The following RAB11FIP4 variants were observed in gnomAD, a reference collection of about 807,000 sequenced individuals.
The protein encoded by RAB11FIP4 is RAB11 family interacting protein 4.
A neutral mutation model predicts 74.3 loss-of-function variants in RAB11FIP4; 23 were observed. The observed-to-expected ratio is 0.31, with a 90% CI of 0.22 to 0.44. RAB11FIP4 has a LOEUF of 0.44. RAB11FIP4 is among the 20% of genes least tolerant of loss of function. RAB11FIP4 has a pLI of 1.00. For missense variants in RAB11FIP4, 630 were observed against 863.9 expected (o/e 0.73, Z 3.39); for synonymous variants, 360 against 359.9 (o/e 1.00, Z 0.00).
At chr17:31,423,929 G>A (rs1040764169) in intron 1 of RAB11FIP4, among the ~76,000 whole-genome samples, 1 of 151,874 alleles carries the variant, frequency 6.6e-6, no homozygotes, top group African/African-American at 2.4e-5. Flanking sequence ...TGACTGCTAC[G>A]GCTGCTGCCA....
intron 1 of RAB11FIP4, among the ~76,000 whole-genome samples, chr17:31,410,370 G>A (rs2071081914): frequency 6.6e-6 from 1 of 152,104 alleles, no homozygotes. Flanking sequence ...CTGCACCTGC[G>A]GCTGCAGATA....
intron 1 of RAB11FIP4, among the ~76,000 whole-genome samples, chr17:31,429,235 G>T (rs1312549829): frequency 2.0e-5 from 3 of 152,272 alleles, no homozygotes; most frequent in East Asian, 1.9e-4. Flanking sequence ...GTAGAGAGAA[G>T]ATATAAATTA....
At chr17:31,435,567 C>T (rs1019808805) in intron 3 of RAB11FIP4, among the ~76,000 whole-genome samples, 16 of 151,918 alleles carry the variant, frequency 1.1e-4, no homozygotes, top group African/African-American at 3.9e-4. Context: ...CAAACCTTTT[C>T]CCCAGTTCTG....
In RAB11FIP4 at chr17:31,533,717, C is replaced by G. The variant is rs1218708408; in HGVS notation, c.*1985C>G. The G allele has an allele frequency of 6.6e-6, 1 of 152,214 alleles. No individual in the cohort carries two copies. The highest frequency in any genetic ancestry group is 1.5e-5 in the Non-Finnish European group (1 of 68,062). The allele number at this position is 152,214 out of a possible 1,614,324, so 9.4% of individuals were successfully genotyped here. ...CTGGGTTACACAGCCTGAGTCACAA[C>G]GTGGGAAGGAATCTCTGCCACGGGA... On this transcript the variant is annotated 3_prime_UTR_variant, in exon 15 of 15. Transcript: ENST00000621161.
rs1350961516 is a variant in RAB11FIP4, at chr17:31,528,717, G to A, written c.1592G>A (p.Gly531Asp). The A allele has an allele frequency of 6.2e-6, 10 of 1,612,264 alleles. No homozygotes were observed. The highest frequency in any genetic ancestry group is 7.6e-6 in the Non-Finnish European group (9 of 1,179,632). ...GGCCGCAGTGCCTCCTCTGGCCTAG[G>A]CGAGTTCAATGCCAGGGCCCGCGAG... ...GRGRSASSGL[G>D]EFNARAREVE... The change falls in exon 13 of 15, where the codon GGC becomes GAC. Residue 531 changes from glycine to aspartate, a missense_variant. Coordinates refer to ENST00000621161, the MANE Select transcript of RAB11FIP4 (RefSeq NM_032932.6).
chr17:31,437,350 C>G (rs959029786), intron 3 of RAB11FIP4, among the ~76,000 whole-genome samples: 1 of 152,190 alleles, frequency 6.6e-6, no homozygotes, highest in Non-Finnish European at 1.5e-5. Flanking sequence ...ATAGCAAGGT[C>G]AAGACCACAG....
intron 3 of RAB11FIP4, among the ~76,000 whole-genome samples, chr17:31,444,710 G>C (rs1350807663): frequency 6.6e-6 from 1 of 152,180 alleles, no homozygotes; most frequent in African/African-American, 2.4e-5. Context: ...AAACCTTGGA[G>C]AGGCTCCTTA....
intron 3 of RAB11FIP4, among the ~76,000 whole-genome samples, chr17:31,452,655 C>T (rs2071537376): frequency 6.6e-6 from 1 of 152,156 alleles, no homozygotes; most frequent in Non-Finnish European, 1.5e-5. Context: ...CGGAAAGAGC[C>T]AGAGGGGTCC....
At chr17:31,508,187 G>C (rs939272411) in intron 3 of RAB11FIP4, among the ~76,000 whole-genome samples, 3 of 152,144 alleles carry the variant, frequency 2.0e-5, no homozygotes, top group Non-Finnish European at 2.9e-5. Flanking sequence ...GTGGCACAGT[G>C]GGGAGAGAGG....
At chr17:31,406,430 G>A (rs1036260358) in intron 1 of RAB11FIP4, among the ~76,000 whole-genome samples, 1 of 152,062 alleles carries the variant, frequency 6.6e-6, no homozygotes, top group Non-Finnish European at 1.5e-5. Flanking sequence ...TGGGCTTCTG[G>A]TCACCTTTTC....
chr17:31,497,892 A>G (rs2072146955), intron 3 of RAB11FIP4, among the ~76,000 whole-genome samples: 2 of 152,022 alleles, frequency 1.3e-5, no homozygotes, highest in South Asian at 2.1e-4. Context: ...CAGTAGCCCA[A>G]CCTCCTCAGT....
chr17:31,420,663 T>G (rs1443414894), intron 1 of RAB11FIP4, among the ~76,000 whole-genome samples: 1 of 152,154 alleles, frequency 6.6e-6, no homozygotes, highest in Non-Finnish European at 1.5e-5. Flanking sequence ...TCTCTACCAG[T>G]CTCATTTTTA....
At chr17:31,479,537 G>T (rs2071826596) in intron 3 of RAB11FIP4, among the ~76,000 whole-genome samples, 1 of 152,200 alleles carries the variant, frequency 6.6e-6, no homozygotes, top group South Asian at 2.1e-4. Flanking sequence ...ATTGCAGAAT[G>T]GTAGGGGACC....
At chr17:31,513,088 C>T (rs1031033630) in intron 3 of RAB11FIP4, among the ~76,000 whole-genome samples, 6 of 152,044 alleles carry the variant, frequency 3.9e-5, no homozygotes, top group African/African-American at 1.2e-4. Context: ...GGCATCCTGA[C>T]GAGCATAGTG....
intron 1 of RAB11FIP4, among the ~76,000 whole-genome samples, chr17:31,426,545 C>T (rs2071251510): frequency 6.6e-6 from 1 of 151,616 alleles, no homozygotes; most frequent in Non-Finnish European, 1.5e-5. Flanking sequence ...TAATAACCAG[C>T]ATGCATTGTT....
In RAB11FIP4 at chr17:31,512,492, C is replaced by G. The variant is rs1204083387; in HGVS notation, c.337-5159C>G. Among the ~76,000 whole-genome samples, 1 of 152,168 alleles carries G rather than the reference C, an allele frequency of 6.6e-6. No homozygotes were observed. The highest frequency in any genetic ancestry group is 1.9e-4 in the East Asian group (1 of 5,186). ...GGAGGAACACGCTGCTGCATCCGCT[C>G]TCTCCCTTCACCCCGGGGTCCGCTG... On this transcript the variant is annotated intron_variant, in intron 3 of 14. Coordinates refer to ENST00000621161, the MANE Select transcript of RAB11FIP4 (RefSeq NM_032932.6). The surrounding 1 kb of genome is among the most constrained non-coding windows in gnomAD (Gnocchi z 4.1).
chr17:31,404,782 A>G (rs1388755918), intron 1 of RAB11FIP4, among the ~76,000 whole-genome samples: 1 of 152,152 alleles, frequency 6.6e-6, no homozygotes, highest in East Asian at 1.9e-4. Flanking sequence ...GGGCTTGTGC[A>G]GGTGTGGCTG....
chr17:31,528,390 G>C lies in RAB11FIP4; in HGVS notation c.1357-16G>C. ...TCTGGGAACTCTCCTCCCCTGATCG[G>C]GTCTCCCTGCTCCAGGAGCGGCAGC... On this transcript the variant is annotated splice_polypyrimidine_tract_variant and intron_variant, in intron 11 of 14. Coordinates refer to ENST00000621161, the MANE Select transcript of RAB11FIP4 (RefSeq NM_032932.6). 6.2e-7 allele frequency: 1 copy of C among 1,610,206 alleles called. No individual in the cohort carries two copies.
At chr17:31,422,327 G>C (rs2071207924) in intron 1 of RAB11FIP4, among the ~76,000 whole-genome samples, 1 of 152,240 alleles carries the variant, frequency 6.6e-6, no homozygotes, top group South Asian at 2.1e-4. Context: ...ATTAGGTTAA[G>C]CTGGTTAGTG....
Sources: allele counts gnomAD v4.1 joint callset (sites outside exome capture counted in the v4.1 genomes callset), GRCh38; gene constraint gnomAD v4.1.1; non-coding constraint Gnocchi (gnomAD v3.1); transcripts MANE v1.5; gene names NCBI Gene and HGNC (gene_info 2026-07-23, HGNC 2026-07-21).